Variants in CFAP54 observed in about 807,000 individuals in gnomAD.
The protein encoded by CFAP54 is cilia- and flagella-associated protein 54.
In CFAP54, 290 loss-of-function variants were observed where a neutral mutation model predicts 370.4. That is an observed-to-expected ratio of 0.78 (90% CI 0.71 to 0.86). CFAP54 has a LOEUF of 0.86. Among genes scored for constraint, CFAP54 ranks in the 40% least tolerant of loss-of-function variants. The probability of loss-of-function intolerance (pLI) is 0.00; values close to 1 mark genes in which losing one functional copy is unlikely to be tolerated. For missense variants in CFAP54, 3,399 were observed against 3,528.7 expected, an observed-to-expected ratio of 0.96 and a Z score of 0.93; for synonymous variants, 1,206 against 1,236.5, an observed-to-expected ratio of 0.98 and a Z score of 0.52.
Position 96,740,062 on chromosome 12 carries a change from G to A in CFAP54, c.7071+1G>A. On this transcript the variant is annotated splice_donor_variant, in intron 51 of 67. Coordinates refer to ENST00000524981, the MANE Select transcript of CFAP54 (RefSeq NM_001306084.2). LOFTEE classifies it high-confidence loss of function. Reference sequence around the variant, plus strand: ...GAATCCTGTCTCTCCAGGAACTTCTGTAAGTATGACTTAATGTCTGTTCTT... The same window carrying A: ...GAATCCTGTCTCTCCAGGAACTTCTATAAGTATGACTTAATGTCTGTTCTT... 6.6e-7 allele frequency: 1 copy of A among 1,510,684 alleles called. No individual in the cohort carries two copies. Among genetic ancestry groups the A allele is most frequent in the Middle Eastern group, 1.7e-4 (1 of 5,838 alleles). 93.6% of individuals were successfully genotyped at this position (1,510,684 alleles called of 1,614,324 possible).
At chr12:96,675,587 G>A (rs972332942) in intron 39 of CFAP54, among the ~76,000 whole-genome samples, 2 of 152,044 alleles carry the variant, frequency 1.3e-5, no homozygotes, top group African/African-American at 4.8e-5. Flanking sequence ...CCCATTACTG[G>A]GTATATACCC....
At chr12:96,583,793 A>G (rs954445438) in intron 22 of CFAP54, among the ~76,000 whole-genome samples, 1 of 152,164 alleles carries the variant, frequency 6.6e-6, no homozygotes, top group Non-Finnish European at 1.5e-5. Context: ...CATGTATTGG[A>G]CACCTAACAT....
intron 25 of CFAP54, among the ~76,000 whole-genome samples, chr12:96,597,513 A>T (rs1199397094): frequency 6.6e-6 from 1 of 152,000 alleles, no homozygotes; most frequent in East Asian, 1.9e-4. Flanking sequence ...AAGAGAAGTA[A>T]CAGTACCCCC....
intron 49 of CFAP54, among the ~76,000 whole-genome samples, chr12:96,719,269 T>C (rs991154687): frequency 2.0e-5 from 3 of 152,232 alleles, no homozygotes; most frequent in Admixed American, 6.5e-5. Context: ...ATCATACAAC[T>C]AATAAAATAT....
At position 96,589,436 on chromosome 12, in the gene CFAP54, C is replaced by G; in HGVS notation, c.3085C>G (p.Gln1029Glu). The stretch of plus-strand genomic sequence containing the variant: ...GTGCTTTTTGTTATAGGTTGCCTAT[C>G]AAGTTGGTAACTATGAATTGGCTAA... ...ARMFLTQVAY[Q>E]VGNYELAKKV... The change falls in exon 23 of 68, where the codon CAA (glutamine) becomes GAA (glutamate). Residue 1029 changes from glutamine to glutamate, a missense_variant. Physicochemically the swap from Gln to Glu is conservative, Grantham distance 29. Transcript: ENST00000524981. The G allele has an allele frequency of 1.3e-6, 2 of 1,530,060 alleles. No individual in the cohort carries two copies. 94.8% of individuals were successfully genotyped at this position (1,530,060 alleles called of 1,614,324 possible).
intron 28 of CFAP54, among the ~76,000 whole-genome samples, chr12:96,624,495 A>G (rs1956530731): frequency 6.6e-6 from 1 of 152,238 alleles, no homozygotes; most frequent in Admixed American, 6.5e-5. Flanking sequence ...TAGTAATTTC[A>G]TAATAAACCA....
intron 33 of CFAP54, chr12:96,645,168 G>A: frequency 4.4e-6 from 2 of 456,580 alleles, no homozygotes. Context: ...ACATTTTTAA[G>A]CACTTACTGA....
In CFAP54 at chr12:96,534,246, G is replaced by A. The variant is rs76767300; in HGVS notation, c.1705+19G>A. The A allele has an allele frequency of 0.011, 15,220 of 1,347,976 alleles. 120 individuals carry two copies. Among genetic ancestry groups the A allele is most frequent in the Non-Finnish European group, 0.013 (13,268 of 1,002,460 alleles). The allele number at this position is 1,347,976 out of a possible 1,614,324, so 83.5% of individuals were successfully genotyped here. A position where few individuals can be genotyped will look rare whatever the true frequency, so the allele number is the denominator to read the frequency against. ...GTTCATGGTAAGTATTTATTTGTTT[G>A]TTCAAAAAATTTAGTTTGACGAAAT... On this transcript the variant is annotated intron_variant, in intron 11 of 67. Coordinates refer to ENST00000524981, the MANE Select transcript of CFAP54 (RefSeq NM_001306084.2).
rs915665959 is a variant in CFAP54 at position 96,527,284 on chromosome 12, T to A, written c.1197T>A (p.Asp399Glu). The A allele has an allele frequency of 6.5e-7, 1 of 1,532,722 alleles. No individual in the cohort carries two copies. The highest frequency in any genetic ancestry group is 8.7e-7 in the Non-Finnish European group (1 of 1,145,654). The allele number at this position is 1,532,722 out of a possible 1,614,324, so 94.9% of individuals were successfully genotyped here. Residue 399 changes from aspartate to glutamate, a missense_variant, in exon 9 of 68, where the codon GAT becomes GAA. By Grantham distance (45) the Asp-to-Glu change is conservative. This residue lies in a region of CFAP54 where 559 missense variants were observed against 576.7 expected (regional missense o/e 0.97). Coordinates refer to ENST00000524981, the MANE Select transcript of CFAP54 (RefSeq NM_001306084.2). The stretch of plus-strand genomic sequence containing the variant: ...GAACTGTCACAGAGCGGCTACTGGA[T>A]GAGATGTTTGATAGCACTGCATCCC... ...WPRTVTERLLDEMFDSTASQF... is the reference protein window; with the variant it reads ...WPRTVTERLLEEMFDSTASQF...
intron 39 of CFAP54, among the ~76,000 whole-genome samples, chr12:96,674,501 G>T (rs1005565285): frequency 2.6e-5 from 4 of 151,942 alleles, no homozygotes; most frequent in East Asian, 1.9e-4. Flanking sequence ...TGAAGCTAAT[G>T]CCGCCTCCTC....
At chr12:96,598,811 G>A (rs774656661) in intron 26 of CFAP54, 44 bp downstream of exon 26, 15 of 454,122 alleles carry the variant, frequency 3.3e-5, no homozygotes, top group African/African-American at 1.6e-4. Flanking sequence ...ATTTAGGAGC[G>A]ATGATGATTT....
intron 5 of CFAP54, among the ~76,000 whole-genome samples, chr12:96,516,863 G>GT (rs2136363633): frequency 6.6e-6 from 1 of 152,244 alleles, no homozygotes; most frequent in African/African-American, 2.4e-5. Context: ...TTTAAATGGT[G>GT]TAAGCTGATA....
chr12:96,524,633 C>T (rs945988995), intron 8 of CFAP54, among the ~76,000 whole-genome samples: 1 of 152,152 alleles, frequency 6.6e-6, no homozygotes, highest in African/African-American at 2.4e-5. Context: ...AGAGCATGGT[C>T]ATAGCTTAGA....
rs1955271542 is a variant in CFAP54 at position 96,518,953 on chromosome 12, G to C, written c.824G>C (p.Ser275Thr). The change falls in exon 6 of 68, where the codon AGC becomes ACC. Residue 275 changes from serine (S) to threonine (T), a missense_variant. Coordinates refer to ENST00000524981, the MANE Select transcript of CFAP54 (RefSeq NM_001306084.2). Reference protein sequence around the residue: ...SKALEYLLWASMCMESLVPLL... With the variant: ...SKALEYLLWATMCMESLVPLL... ...GCCTTAGAGTATCTCCTGTGGGCCA[G>C]CATGTGTATGGAGTCCTTGGTCCCG... is the stretch of plus-strand genomic sequence containing the variant. 6.5e-7 allele frequency: 1 copy of C among 1,535,750 alleles called. No homozygotes were observed. Among genetic ancestry groups the C allele is most frequent in the Non-Finnish European group, 8.7e-7 (1 of 1,146,670 alleles).
chr12:96,703,798 G>A (rs1283073674), intron 46 of CFAP54, among the ~76,000 whole-genome samples: 1 of 152,098 alleles, frequency 6.6e-6, no homozygotes, highest in Non-Finnish European at 1.5e-5. Flanking sequence ...CATACAATGT[G>A]GGTGGGAGTG....
chr12:96,844,811 A>G (rs918105235), intron 66 of CFAP54, among the ~76,000 whole-genome samples: 1 of 152,154 alleles, frequency 6.6e-6, no homozygotes, highest in African/African-American at 2.4e-5. Flanking sequence ...TCTGTCAACC[A>G]CTGGCAAGTC....
intron 63 of CFAP54, among the ~76,000 whole-genome samples, chr12:96,811,017 CTT>C: frequency 6.6e-6 from 1 of 152,122 alleles, no homozygotes; most frequent in Non-Finnish European, 1.5e-5. Context: ...TTCTAACGTC[CTT>C]TGTTACTTTG....
At chr12:96,654,239 T>C (rs940390851) in intron 36 of CFAP54, among the ~76,000 whole-genome samples, 1 of 152,242 alleles carries the variant, frequency 6.6e-6, no homozygotes. Flanking sequence ...CGGTGGCTCA[T>C]GCCTGTAATC....
chr12:96,784,026 TTGTAGA>T (rs1958605759), intron 60 of CFAP54, among the ~76,000 whole-genome samples: 1 of 152,356 alleles, frequency 6.6e-6, no homozygotes, highest in African/African-American at 2.4e-5. Flanking sequence ...ATTTTCTCTC[TTGTAGA>T]TGTAATTCAT....
Sources: allele counts gnomAD v4.1 joint callset (sites outside exome capture counted in the v4.1 genomes callset), GRCh38; gene constraint gnomAD v4.1.1; regional missense constraint gnomAD v4.1.1; transcripts MANE v1.5; gene names NCBI Gene and HGNC (gene_info 2026-07-23, HGNC 2026-07-21).